AEBP2: variants seen among roughly 807,000 people sequenced by gnomAD.
The protein encoded by AEBP2 is AE binding protein 2, also known as zinc finger protein AEBP2.
Under a neutral mutation model 50.8 loss-of-function variants are expected in AEBP2, and 10 were observed. The ratio of observed to expected loss-of-function variants is 0.20; its 90% CI spans 0.12 to 0.33. The LOEUF is 0.33. Ranked by LOEUF, AEBP2 falls within the 10% of genes least tolerant of loss-of-function variation. The pLI is 1.00. For synonymous variants in AEBP2, 296 were observed against 261.3 expected, an observed-to-expected ratio of 1.13 and a Z score of -1.28; for missense variants, 570 against 688.0, an observed-to-expected ratio of 0.83 and a Z score of 1.92.
At chr12:19,426,163 G>A (rs928779516) in intron 1 of AEBP2, among the ~76,000 whole-genome samples, 6 of 151,962 alleles carry the variant, frequency 3.9e-5, no homozygotes, top group African/African-American at 7.2e-5. Context: ...CTCAAACTCC[G>A]GAGCTCAAGT....
At chr12:19,485,469 G>T (rs1948792991) in intron 3 of AEBP2, among the ~76,000 whole-genome samples, 1 of 152,064 alleles carries the variant, frequency 6.6e-6, no homozygotes, top group South Asian at 2.1e-4. Flanking sequence ...CACTTTGGGA[G>T]GCTGACACAA....
At chr12:19,455,583 A>G (rs185624938) in intron 1 of AEBP2, among the ~76,000 whole-genome samples, 5 of 152,278 alleles carry the variant, frequency 3.3e-5, no homozygotes, top group Middle Eastern at 3.4e-3. Flanking sequence ...CACCAAGCAG[A>G]TACTTGCCTA....
At chr12:19,486,732 T>A (rs964992902) in intron 3 of AEBP2, among the ~76,000 whole-genome samples, 2 of 152,138 alleles carry the variant, frequency 1.3e-5, no homozygotes, top group African/African-American at 4.8e-5. Flanking sequence ...CCTTTACATG[T>A]CCTCTAATTA....
chr12:19,482,720 G>A (rs536361260), intron 3 of AEBP2, among the ~76,000 whole-genome samples: 7 of 152,166 alleles, frequency 4.6e-5, no homozygotes, highest in Non-Finnish European at 7.3e-5. Context: ...AGGGTTAGGC[G>A]GAACTGGGCT....
At chr12:19,421,344 C>CAAAAAA (rs375160231) in intron 1 of AEBP2, among the ~76,000 whole-genome samples, 3 of 82,438 alleles carry the variant, frequency 3.6e-5, no homozygotes, top group African/African-American at 9.5e-5. Context: ...GACTCTGTCT[C>CAAAAAA]AAAAAAAAAA....
intron 4 of AEBP2, among the ~76,000 whole-genome samples, chr12:19,498,002 A>G (rs1013742723): frequency 2.0e-5 from 3 of 152,190 alleles, no homozygotes; most frequent in Non-Finnish European, 2.9e-5. Context: ...CTACTGTTCT[A>G]GTTTGGTATT....
chr12:19,470,640 T>A (rs1948556716), intron 2 of AEBP2, among the ~76,000 whole-genome samples: 1 of 152,216 alleles, frequency 6.6e-6, no homozygotes, highest in Non-Finnish European at 1.5e-5. Context: ...TAAACCATAC[T>A]TAATAAGGCT....
Position 19,456,973 on chromosome 12 carries a change from C to A in AEBP2, c.672-5537C>A. 1.0e-5 allele frequency: 16 copies of A among 1,566,120 alleles called. No homozygotes were observed. The South Asian group carries it at 1.7e-4, about 16-fold the overall frequency. On this transcript the variant is annotated intron_variant, in intron 1 of 7. Coordinates refer to ENST00000266508, the MANE Select transcript of AEBP2 (RefSeq NM_153207.5). ...AAGCAGCATGGTTCCACTGGTATTG[C>A]CATCCTTACAGGAGGATTTTCGTCC...
Position 19,519,849 on chromosome 12 carries a change from G to A in AEBP2, c.*1732G>A, listed in dbSNP as rs1949373636. 1 of 152,322 alleles carries A rather than the reference G, an allele frequency of 6.6e-6. No individual in the cohort carries two copies. Among genetic ancestry groups the A allele is most frequent in the Non-Finnish European group, 1.5e-5 (1 of 67,958 alleles). 9.4% of individuals were successfully genotyped at this position (152,322 alleles called of 1,614,324 possible). A position where few individuals can be genotyped will look rare whatever the true frequency, so the allele number is the denominator to read the frequency against. On this transcript the variant is annotated 3_prime_UTR_variant, in exon 8 of 8. Transcript: ENST00000266508. ...ATGAAAATGAGTCTTATAAAATTAAGTGAAGTGCAAATAAAAGCACTGCTA... is the reference window on the plus strand; with the variant it reads ...ATGAAAATGAGTCTTATAAAATTAAATGAAGTGCAAATAAAAGCACTGCTA...
At chr12:19,491,716 A>AT (rs542605910) in intron 3 of AEBP2, among the ~76,000 whole-genome samples, 8,081 of 148,910 alleles carry the variant, frequency 0.054, 379 homozygotes, top group Admixed American at 0.15. Context: ...AGAATGTGTG[A>AT]TTTTTTTTTT....
chr12:19,452,380 T>C (rs1185691092), intron 1 of AEBP2, among the ~76,000 whole-genome samples: 1 of 152,240 alleles, frequency 6.6e-6, no homozygotes, highest in Non-Finnish European at 1.5e-5. Context: ...TAGCTGTTAA[T>C]ATAAAAAGTA....
chr12:19,474,879 G>A (rs1245015748), intron 3 of AEBP2, among the ~76,000 whole-genome samples: 3 of 151,800 alleles, frequency 2.0e-5, no homozygotes, highest in African/African-American at 4.8e-5. Context: ...TGCAACCTCC[G>A]CCTCTTGGGT....
At chr12:19,424,550 C>A (rs2095747549) in intron 1 of AEBP2, among the ~76,000 whole-genome samples, 1 of 151,972 alleles carries the variant, frequency 6.6e-6, no homozygotes, top group Non-Finnish European at 1.5e-5. Context: ...GCGCCCGCCA[C>A]CTCGCCTGGC....
In AEBP2 at chr12:19,470,988, A is replaced by G. The variant is rs1948563983; in HGVS notation, c.880-2260A>G. On this transcript the variant is annotated intron_variant, in intron 2 of 7. Transcript: ENST00000266508. ...CAAGTAATTGCGTTTTTTTTCAATTAATGGCAAAAACGGCAATGACTTGTG... is the reference window on the plus strand; with the variant it reads ...CAAGTAATTGCGTTTTTTTTCAATTGATGGCAAAAACGGCAATGACTTGTG... Among the ~76,000 whole-genome samples, 3 of 149,934 alleles carry G rather than the reference A, an allele frequency of 2.0e-5. No individual in the cohort carries two copies. In the South Asian group the frequency reaches 6.4e-4, roughly 32 times the overall value.
chr12:19,435,115 G>A (rs768847975), upstream of AEBP2, among the ~76,000 whole-genome samples: 2 of 149,688 alleles, frequency 1.3e-5, no homozygotes, highest in East Asian at 2.0e-4. Context: ...AAATATCTTA[G>A]TACATACCTG....
chr12:19,450,022 A>G (rs531329293), intron 1 of AEBP2, among the ~76,000 whole-genome samples: 1 of 152,212 alleles, frequency 6.6e-6, no homozygotes, highest in Non-Finnish European at 1.5e-5. Flanking sequence ...CACAGATGTA[A>G]TAAAATAGGC....
chr12:19,483,958 A>T (rs1948768590), intron 3 of AEBP2, among the ~76,000 whole-genome samples: 1 of 152,230 alleles, frequency 6.6e-6, no homozygotes, highest in Admixed American at 6.5e-5. Flanking sequence ...TAGTGCCGTC[A>T]TCAGTAATGT....
rs575224886 is a variant in AEBP2 at position 19,422,448 on chromosome 12, A to G, written c.-17+18232A>G. ...ACTTAGGCATTTCAAGGATTTTTTA[A>G]AAAATTTATACCGGAAGGTTAAGTA... On this transcript the variant is annotated intron_variant, in intron 1 of 3. Transcript: ENST00000538425. Among the ~76,000 whole-genome samples the G allele has an allele frequency of 2.6e-5, 4 of 152,180 alleles. 1 individual carries two copies. Among genetic ancestry groups the G allele is most frequent in the African/African-American group, 9.6e-5 (4 of 41,534 alleles).
chr12:19,495,191 C>G (rs1351295626), intron 4 of AEBP2, among the ~76,000 whole-genome samples: 1 of 152,162 alleles, frequency 6.6e-6, no homozygotes, highest in African/African-American at 2.4e-5. Context: ...GCATGAGCCA[C>G]TGTGCTCGAG....
Sources: gnomAD v4.1 joint callset for allele counts (sites outside exome capture counted in the v4.1 genomes callset) on GRCh38, gnomAD v4.1.1 for gene constraint, MANE v1.5 for transcripts, NCBI Gene and HGNC (gene_info 2026-07-23, HGNC 2026-07-21) for gene names.